MEPE: variants seen among roughly 807,000 people sequenced by gnomAD.
The protein encoded by MEPE is matrix, extracellular phosphoglycoprotein with ASARM motif (bone).
MEPE carries 7 observed loss-of-function variants against 7.3 expected under a neutral mutation model. The observed-to-expected ratio is 0.95, with a 90% confidence interval of 0.54 to 1.79. The LOEUF (loss-of-function observed/expected upper bound fraction) is 1.79, where lower values mean the gene tolerates loss of function less well. MEPE is among the 40% of genes most tolerant of loss of function. The pLI, the probability that MEPE is intolerant of heterozygous loss-of-function variation, is 0.00. For synonymous variants in MEPE, 214 were observed against 213.1 expected, an observed-to-expected ratio of 1.00 and a Z score of -0.04; for missense variants, 623 against 628.2, an observed-to-expected ratio of 0.99 and a Z score of 0.09.
At chr4:87,837,458 C>T (rs1722841710) in intron 2 of MEPE, among the ~76,000 whole-genome samples, 1 of 152,156 alleles carries the variant, frequency 6.6e-6, no homozygotes, top group Non-Finnish European at 1.5e-5. Flanking sequence ...GCTGGAGATA[C>T]AAAGGAGCTG....
chr4:87,842,542 C>A (rs1347415404), intron 3 of MEPE, among the ~76,000 whole-genome samples: 1 of 152,144 alleles, frequency 6.6e-6, no homozygotes, highest in East Asian at 1.9e-4. Flanking sequence ...ACATCAGAGT[C>A]AAGGTCTGAT....
chr4:87,822,412 G>A (rs1722359557), intron 1 of MEPE, among the ~76,000 whole-genome samples: 1 of 152,064 alleles, frequency 6.6e-6, no homozygotes, highest in Non-Finnish European at 1.5e-5. Context: ...GTGGTCCCCG[G>A]GCAGCAGTGT....
upstream of MEPE, among the ~76,000 whole-genome samples, chr4:87,832,346 A>T (rs146593504): frequency 2.0e-5 from 3 of 152,232 alleles, no homozygotes; most frequent in East Asian, 5.8e-4. Flanking sequence ...CCTTCCCAGG[A>T]CTTCCTATCT....
At chr4:87,821,509 G>C (rs1722338040) in intron 1 of MEPE, 1 of 152,126 alleles carries the variant, frequency 6.6e-6, no homozygotes. Flanking sequence ...AAAACCAATA[G>C]CAAAGTAAGA....
chr4:87,845,281 A>G lies in MEPE; in HGVS notation c.413A>G (p.Asp138Gly). 6.2e-7 allele frequency: 1 copy of G among 1,614,064 alleles called. No individual in the cohort carries two copies. Among genetic ancestry groups the G allele is most frequent in the South Asian group, 1.1e-5 (1 of 91,070 alleles). The change falls in exon 4 of 4, where the codon GAC becomes GGC. Residue 138 changes from aspartate to glycine, a missense_variant. Coordinates refer to ENST00000361056, the MANE Select transcript of MEPE (RefSeq NM_020203.6). ...DGDDAISKLH[D>G]QEEYGAALIR... Reference sequence around the variant, plus strand: ...GATGATGCTATCAGCAAACTACATGACCAAGAAGAATATGGCGCAGCTCTC... The same window carrying G: ...GATGATGCTATCAGCAAACTACATGGCCAAGAAGAATATGGCGCAGCTCTC...
At position 87,825,790 on chromosome 4, in the gene MEPE, C is replaced by G. The variant is rs528252838; in HGVS notation, c.-13+4319C>G. ...GTCATGGTGATTTACTGCACAGTAC[C>G]TCCTATCGCCTAGGTATCAAGCCCA... On this transcript the variant is annotated intron_variant, in intron 1 of 3. Coordinates refer to the MEPE transcript ENST00000424957. Among the ~76,000 whole-genome samples the G allele has an allele frequency of 4.9e-4, 74 of 152,272 alleles. No individual in the cohort carries two copies. In the South Asian group the frequency reaches 0.015, roughly 31 times the overall value.
chr4:87,825,490 G>A (rs770229457), intron 1 of MEPE, among the ~76,000 whole-genome samples: 2 of 152,122 alleles, frequency 1.3e-5, no homozygotes, highest in Non-Finnish European at 2.9e-5. Context: ...TCTGCAATGT[G>A]AGGCTGCCAC....
upstream of MEPE, among the ~76,000 whole-genome samples, chr4:87,831,528 C>T (rs989072896): frequency 3.3e-5 from 5 of 152,074 alleles, no homozygotes; most frequent in African/African-American, 7.2e-5. Flanking sequence ...TCCCTTCTGC[C>T]GCACTCAGGT....
At position 87,846,380 on chromosome 4, in the gene MEPE, C is replaced by T; in HGVS notation, c.1512C>T (p.Ser504=). The part of the protein sequence containing the change: ...RQPHSNRRFS[S]RRRDDSSESS... Reference sequence around the variant, plus strand: ...CCCATTCCAACAGGAGGTTTAGTTCCCGTAGAAGGGATGACAGTAGTGAGT... The same window carrying T: ...CCCATTCCAACAGGAGGTTTAGTTCTCGTAGAAGGGATGACAGTAGTGAGT... Residue 504 remains serine, a synonymous_variant, in exon 4 of 4, where the codon TCC becomes TCT. Coordinates refer to ENST00000361056, the MANE Select transcript of MEPE (RefSeq NM_020203.6). 6.2e-7 allele frequency: 1 copy of T among 1,613,984 alleles called. No individual in the cohort carries two copies. The highest frequency in any genetic ancestry group is 8.5e-7 in the Non-Finnish European group (1 of 1,179,948).
chr4:87,832,322 C>A (rs142987084), upstream of MEPE, among the ~76,000 whole-genome samples: 453 of 152,242 alleles, frequency 3.0e-3, 2 homozygotes, highest in African/African-American at 0.011. Flanking sequence ...TCAAAAGTTG[C>A]CTTCTCATTG....
chr4:87,838,819 G>A (rs1274922659), intron 3 of MEPE, 134 bp downstream of exon 3: 4 of 664,570 alleles, frequency 6.0e-6, no homozygotes, highest in African/African-American at 1.8e-5. Flanking sequence ...CATAATGTTG[G>A]CACTTTCTAG....
At chr4:87,834,791 A>G (rs766027571) in intron 2 of MEPE, 23 bp downstream of exon 2, 2 of 1,592,750 alleles carry the variant, frequency 1.3e-6, no homozygotes, top group Non-Finnish European at 1.7e-6. Context: ...AAATTCAATT[A>G]TATTTCAGAT....
At position 87,845,309 on chromosome 4, in the gene MEPE, C is replaced by G; in HGVS notation, c.441C>G (p.Ile147Met). 1 of 1,613,948 alleles carries G rather than the reference C, an allele frequency of 6.2e-7. No individual in the cohort carries two copies. The highest frequency in any genetic ancestry group is 8.5e-7 in the Non-Finnish European group (1 of 1,179,928). The change falls in exon 4 of 4, where the codon ATC (isoleucine) becomes ATG (methionine). Residue 147 changes from isoleucine (I) to methionine (M), a missense_variant. Physicochemically the swap from Ile to Met is conservative, Grantham distance 10. Coordinates refer to ENST00000361056, the MANE Select transcript of MEPE (RefSeq NM_020203.6). ...AAGAAGAATATGGCGCAGCTCTCAT[C>G]AGAAATAACATGCAACATATAATGG... ...HDQEEYGAAL[I>M]RNNMQHIMGP...
chr4:87,837,974 C>G (rs569610248), intron 2 of MEPE, among the ~76,000 whole-genome samples: 10 of 152,122 alleles, frequency 6.6e-5, no homozygotes, highest in Admixed American at 3.9e-4. Context: ...CCTCACCCTA[C>G]GCTACCCTCA....
chr4:87,844,221 T>G (rs912064274), intron 3 of MEPE, among the ~76,000 whole-genome samples: 3 of 152,108 alleles, frequency 2.0e-5, no homozygotes, highest in Non-Finnish European at 4.4e-5. Context: ...AAATAGCGAG[T>G]GGCATACGGT....
intron 3 of MEPE, 36 bp from the exon 4 acceptor site, chr4:87,844,941 T>A: frequency 7.0e-7 from 1 of 1,421,264 alleles, no homozygotes; most frequent in African/African-American, 1.4e-5. Flanking sequence ...AAATTTTACA[T>A]AAAATAATCA....
upstream of MEPE, among the ~76,000 whole-genome samples, chr4:87,832,354 T>A (rs1436013113): frequency 6.6e-6 from 1 of 152,108 alleles, no homozygotes; most frequent in Non-Finnish European, 1.5e-5. Context: ...GGACTTCCTA[T>A]CTAAAATTTC....
upstream of MEPE, among the ~76,000 whole-genome samples, chr4:87,831,053 G>A (rs2109992413): frequency 6.6e-6 from 1 of 152,054 alleles, no homozygotes; most frequent in African/African-American, 2.4e-5. Flanking sequence ...CAAAGTATAG[G>A]TTAAATAACT....
chr4:87,838,978 T>C (rs1722906202), intron 3 of MEPE, among the ~76,000 whole-genome samples: 1 of 152,214 alleles, frequency 6.6e-6, no homozygotes, highest in Non-Finnish European at 1.5e-5. Flanking sequence ...TGAGTAAGAA[T>C]TTGGGAACAT....
Sources: allele counts gnomAD v4.1 joint callset (sites outside exome capture counted in the v4.1 genomes callset), GRCh38; gene constraint gnomAD v4.1.1; transcripts MANE v1.5; gene names NCBI Gene and HGNC (gene_info 2026-07-23, HGNC 2026-07-21).